PRDM16: variants seen among roughly 807,000 people sequenced by gnomAD.
The protein encoded by PRDM16 is histone-lysine N-methyltransferase PRDM16.
In PRDM16, 23 loss-of-function variants were observed where a neutral mutation model predicts 110.6. The observed-to-expected ratio is 0.21, with a 90% CI of 0.15 to 0.29. The LOEUF is 0.29. Among genes scored for constraint, PRDM16 ranks in the 10% least tolerant of loss-of-function variants. The pLI, the probability that PRDM16 is intolerant of heterozygous loss-of-function variation, is 1.00. For missense variants in PRDM16, 1,615 were observed against 1,794.3 expected (o/e 0.90, Z 1.81); for synonymous variants, 799 against 781.8 (o/e 1.02, Z -0.37).
chr1:3,300,699 C>T (rs1379127501), intron 3 of PRDM16, among the ~76,000 whole-genome samples: 1 of 152,184 alleles, frequency 6.6e-6, no homozygotes, highest in Admixed American at 6.5e-5. Context: ...TTAGCATTTC[C>T]TTTCATTTCT....
rs78538468 is a variant in PRDM16 at position 3,255,943 on chromosome 1, A to G, written c.438+11806A>G. The stretch of plus-strand genomic sequence containing the variant: ...CTGAAGCCAATCCCGTGGCCACACC[A>G]ACAGTACAGGGTGGAACGAGCTCCG... On this transcript the variant is annotated intron_variant, in intron 3 of 16. Coordinates refer to ENST00000270722, the MANE Select transcript of PRDM16 (RefSeq NM_022114.4). This position sits in a 1 kb window ranked among gnomAD's most constrained non-coding sequence, Gnocchi z 4.7. 2.5e-5 allele frequency among the ~76,000 whole-genome samples: 3 copies of G among 118,424 alleles called. No homozygotes were observed. Among genetic ancestry groups the G allele is most frequent in the Non-Finnish European group, 6.1e-5 (3 of 49,500 alleles). The allele number at this position is 118,424 out of a possible 152,430, so 77.7% of individuals were successfully genotyped here.
intron 3 of PRDM16, among the ~76,000 whole-genome samples, chr1:3,281,020 C>A (rs919843925): frequency 6.6e-6 from 1 of 152,244 alleles, no homozygotes; most frequent in African/African-American, 2.4e-5. Flanking sequence ...CTGCCTGGGC[C>A]TCCTTCCCTG....
Position 3,414,625 on chromosome 1 carries a change from C to A in PRDM16, c.2669C>A (p.Ser890Tyr). The A allele has an allele frequency of 8.7e-6, 14 of 1,613,260 alleles. No individual in the cohort carries two copies. The highest frequency in any genetic ancestry group is 1.1e-5 in the Non-Finnish European group (13 of 1,179,782). ...GALKEKYLRP[S>Y]PLLFHPQMSA... ...CTGAAGGAGAAGTACCTGCGGCCGT[C>A]CCCGCTGCTCTTCCACCCCCAGGTA... The change falls in exon 10 of 17, where the codon TCC becomes TAC. Residue 890 changes from serine to tyrosine, a missense_variant. Around this residue, in one of 5 missense-constraint regions of PRDM16, gnomAD observed 772 missense variants for 748.3 expected, o/e 1.03. Transcript: ENST00000270722.
Position 3,303,353 on chromosome 1 carries a change from C to T in PRDM16, c.438+59216C>T, listed in dbSNP as rs1641246736. Among the ~76,000 whole-genome samples the T allele has an allele frequency of 2.6e-5, 4 of 152,276 alleles. No homozygotes were observed. In the South Asian group the frequency reaches 6.2e-4, roughly 24 times the overall value. ...ATCCTCAGGACCTGGCTTCTCTGCT[C>T]AGCATAGGGTTTCTGAGGTTTTGCC... On this transcript the variant is annotated intron_variant, in intron 3 of 16. Transcript: ENST00000270722.
intron 3 of PRDM16, among the ~76,000 whole-genome samples, chr1:3,322,866 G>A (rs1184278048): frequency 1.3e-5 from 2 of 152,196 alleles, no homozygotes; most frequent in Admixed American, 6.5e-5. Flanking sequence ...TTTCAGCAGG[G>A]GTTCATGGCC....
At chr1:3,366,817 A>G (rs1053384878) in intron 3 of PRDM16, among the ~76,000 whole-genome samples, 1 of 152,218 alleles carries the variant, frequency 6.6e-6, no homozygotes, top group Admixed American at 6.5e-5. Context: ...ATGCTATTGC[A>G]TAACATCAGG....
intron 3 of PRDM16, among the ~76,000 whole-genome samples, chr1:3,282,039 A>G (rs1380608105): frequency 1.3e-5 from 2 of 152,208 alleles, no homozygotes; most frequent in African/African-American, 4.8e-5. Flanking sequence ...TCAGTCAAAC[A>G]TGTGACCTGA....
intron 2 of PRDM16, among the ~76,000 whole-genome samples, chr1:3,200,141 C>T (rs1366209235): frequency 1.3e-5 from 2 of 152,206 alleles, no homozygotes; most frequent in Non-Finnish European, 2.9e-5. Flanking sequence ...CAACAATCCC[C>T]GTGATGACTG....
At chr1:3,431,448 C>T (rs1347993884) in intron 15 of PRDM16, among the ~76,000 whole-genome samples, 2 of 152,244 alleles carry the variant, frequency 1.3e-5, no homozygotes, top group East Asian at 3.9e-4. Context: ...CACTAGAGGG[C>T]CGTGGGCACA....
At chr1:3,181,346 A>G (rs1195388133) in intron 1 of PRDM16, among the ~76,000 whole-genome samples, 1 of 96,884 alleles carries the variant, frequency 1.0e-5, no homozygotes, top group Non-Finnish European at 2.0e-5. Context: ...AGTCTTACAC[A>G]CGGTCTTACA....
intron 1 of PRDM16, among the ~76,000 whole-genome samples, chr1:3,154,895 T>TA (rs938712416): frequency 4.6e-5 from 7 of 152,158 alleles, no homozygotes; most frequent in Non-Finnish European, 7.4e-5. Flanking sequence ...AATTCTGTCT[T>TA]AAAAAACAAA....
At chr1:3,286,775 C>T (rs936400036) in intron 3 of PRDM16, among the ~76,000 whole-genome samples, 1 of 152,174 alleles carries the variant, frequency 6.6e-6, no homozygotes, top group African/African-American at 2.4e-5. Flanking sequence ...AAGCCTCACT[C>T]GGGGAAACAG....
chr1:3,106,484 C>T (rs928609398), intron 1 of PRDM16, among the ~76,000 whole-genome samples: 4 of 152,166 alleles, frequency 2.6e-5, no homozygotes, highest in Non-Finnish European at 4.4e-5. Flanking sequence ...TTGCCTGGCT[C>T]ACACACAGCG....
chr1:3,232,115 G>A (rs537461818), intron 2 of PRDM16, among the ~76,000 whole-genome samples: 2 of 152,364 alleles, frequency 1.3e-5, no homozygotes, highest in African/African-American at 4.8e-5. Flanking sequence ...GCCTCTGTGT[G>A]TTGTCCCTGC....
chr1:3,331,043 C>T (rs1642031464), intron 3 of PRDM16, among the ~76,000 whole-genome samples: 1 of 152,246 alleles, frequency 6.6e-6, no homozygotes, highest in Non-Finnish European at 1.5e-5. Context: ...CTAAACCCCA[C>T]ATTGACAGGC....
chr1:3,384,929 C>A (rs1643169443), intron 3 of PRDM16, among the ~76,000 whole-genome samples: 1 of 152,222 alleles, frequency 6.6e-6, no homozygotes, highest in South Asian at 2.1e-4. Flanking sequence ...AGGCCATTCC[C>A]TGCCTTTCTG....
intron 1 of PRDM16, among the ~76,000 whole-genome samples, chr1:3,112,374 C>T (rs1412490158): frequency 6.6e-6 from 1 of 152,226 alleles, no homozygotes; most frequent in Non-Finnish European, 1.5e-5. Context: ...GCCTCTCAGC[C>T]TCTCTTTTCG....
At chr1:3,183,141 G>T (rs982214636) in intron 1 of PRDM16, among the ~76,000 whole-genome samples, 11 of 152,242 alleles carry the variant, frequency 7.2e-5, no homozygotes, top group African/African-American at 2.7e-4. Flanking sequence ...GTGAGAGAGT[G>T]CCTGCTGGAA....
intron 1 of PRDM16, among the ~76,000 whole-genome samples, chr1:3,140,141 A>G (rs1353554247): frequency 1.3e-5 from 2 of 152,202 alleles, no homozygotes; most frequent in East Asian, 3.8e-4. Flanking sequence ...TTTTAATCCA[A>G]CATCGGCAGC....
Sources: gnomAD v4.1 joint callset for allele counts (sites outside exome capture counted in the v4.1 genomes callset) on GRCh38, gnomAD v4.1.1 for gene constraint, gnomAD v4.1.1 regional missense constraint, Gnocchi (gnomAD v3.1) non-coding constraint, MANE v1.5 for transcripts, NCBI Gene and HGNC (gene_info 2026-07-23, HGNC 2026-07-21) for gene names.